HDX: variants seen among roughly 807,000 people sequenced by gnomAD.
HDX encodes the protein chromosome X open reading frame 43.
A neutral mutation model predicts 45.2 loss-of-function variants in HDX; 19 were observed. The observed-to-expected ratio is 0.42, with a 90% CI of 0.29 to 0.62. HDX has a LOEUF of 0.62. Ranked by LOEUF, HDX falls within the 20% of genes least tolerant of loss-of-function variation. The pLI, the probability that HDX is intolerant of heterozygous loss-of-function variation, is 0.20. For missense variants in HDX, 532 were observed against 493.9 expected (o/e 1.08, Z -0.73); for synonymous variants, 188 against 172.8 (o/e 1.09, Z -0.69).
At chrX:84,333,259 A>G (rs926856495) in intron 9 of HDX, among the ~76,000 whole-genome samples, 12 of 111,596 alleles carry the variant, frequency 1.1e-4, no homozygotes, top group Non-Finnish European at 2.3e-4. Context: ...TCAATTTAGT[A>G]ATAAATGACA....
At chrX:84,349,200 C>T (rs1296785011) in intron 6 of HDX, among the ~76,000 whole-genome samples, 4 of 110,691 alleles carry the variant, frequency 3.6e-5, no homozygotes, top group Non-Finnish European at 5.7e-5. Context: ...GCCTATTTGT[C>T]TCACCAATTT....
intron 5 of HDX, among the ~76,000 whole-genome samples, chrX:84,377,183 C>T (rs906237612): frequency 8.9e-6 from 1 of 112,142 alleles, no homozygotes; most frequent in African/African-American, 3.2e-5. Context: ...AGAATCACAG[C>T]GTTATTGGTC....
chrX:84,326,884 G>A (rs754219827), intron 9 of HDX, among the ~76,000 whole-genome samples: 1 of 103,804 alleles, frequency 9.6e-6, no homozygotes, highest in African/African-American at 3.5e-5. Flanking sequence ...CTGCTGCACT[G>A]CAGCCTGGGC....
chrX:84,403,359 G>A (rs995275412), intron 5 of HDX, among the ~76,000 whole-genome samples: 32 of 110,938 alleles, frequency 2.9e-4, no homozygotes, highest in Non-Finnish European at 5.9e-4. Context: ...ATGGAATTAA[G>A]ACTCCTAAAC....
At chrX:84,381,128 C>T (rs755898643) in intron 5 of HDX, among the ~76,000 whole-genome samples, 67 of 110,317 alleles carry the variant, frequency 6.1e-4, no homozygotes, top group South Asian at 4.9e-3. Context: ...ACAATAAATA[C>T]GTAGGAATTA....
chrX:84,397,177 G>T (rs1211474381), intron 5 of HDX, among the ~76,000 whole-genome samples: 1 of 112,272 alleles, frequency 8.9e-6, no homozygotes, highest in Non-Finnish European at 1.9e-5. Flanking sequence ...CCTGGAGGCA[G>T]TGGAGTCACT....
chrX:84,410,958 G>GTGT (rs139883607), intron 5 of HDX, among the ~76,000 whole-genome samples: 11,738 of 110,902 alleles, frequency 0.11, 603 homozygotes, highest in South Asian at 0.27. Flanking sequence ...ATGCATAGAG[G>GTGT]TGTTCATAAT....
Position 84,469,146 on chromosome X carries a change from C to G in HDX, c.577G>C (p.Ala193Pro). ...LNAGNSVFNH[A>P]KKNYGNSSVQ... ...GAAGAGTTTCCATAGTTTTTCTTTGCGTGATTGAATACTGAGTTTCCAGCA... is the reference window on the plus strand; with the variant it reads ...GAAGAGTTTCCATAGTTTTTCTTTGGGTGATTGAATACTGAGTTTCCAGCA... The change falls in exon 4 of 11, where the codon GCA (alanine) becomes CCA (proline). Residue 193 changes from alanine to proline, a missense_variant. Transcript: ENST00000373177. 1 of 1,209,175 alleles carries G rather than the reference C, an allele frequency of 8.3e-7. No homozygotes were observed. Among genetic ancestry groups the G allele is most frequent in the South Asian group, 1.8e-5 (1 of 56,632 alleles).
At chrX:84,352,689 C>A (rs1233612259) in intron 6 of HDX, among the ~76,000 whole-genome samples, 2 of 111,516 alleles carry the variant, frequency 1.8e-5, no homozygotes, top group African/African-American at 6.5e-5. Flanking sequence ...TTGACTCTAG[C>A]ACCCAATTTC....
At chrX:84,497,728 T>TAC (rs1168259495) in intron 1 of HDX, among the ~76,000 whole-genome samples, 58 of 109,938 alleles carry the variant, frequency 5.3e-4, no homozygotes, top group Middle Eastern at 9.3e-3. Context: ...AATTTACATA[T>TAC]ACGTGTGTGT....
At chrX:84,440,263 A>C (rs2039731976) in intron 5 of HDX, 1 of 237,873 alleles carries the variant, frequency 4.2e-6, no homozygotes, top group Non-Finnish European at 7.4e-6. Flanking sequence ...GATGTAGAAA[A>C]ATCATATTTT....
chrX:84,388,551 T>C lies in HDX; in HGVS notation c.1306-26939A>G, dbSNP rs190027008. 6.3e-3 allele frequency among the ~76,000 whole-genome samples: 712 copies of C among 112,350 alleles called. 6 individuals carry two copies. The highest frequency in any genetic ancestry group is 9.6e-3 in the Non-Finnish European group (510 of 53,280). The stretch of plus-strand genomic sequence containing the variant: ...TGACTGAATTGATTTAAGGAACTTG[T>C]CTTTGAGCTCTGAAATTCTTTCCTC... On this transcript the variant is annotated intron_variant, in intron 5 of 10. Transcript: ENST00000373177.
chrX:84,455,515 A>G (rs1406126321), intron 4 of HDX, among the ~76,000 whole-genome samples: 2 of 111,929 alleles, frequency 1.8e-5, no homozygotes, highest in Admixed American at 1.9e-4. Flanking sequence ...CTATTTGAAA[A>G]TAAACAGCCA....
chrX:84,406,870 G>A (rs1414519856), intron 5 of HDX, among the ~76,000 whole-genome samples: 2 of 109,891 alleles, frequency 1.8e-5, no homozygotes, highest in Non-Finnish European at 3.8e-5. Flanking sequence ...AAAATTAAAT[G>A]TCATTAATTA....
chrX:84,436,500 C>A (rs1602453805), intron 5 of HDX, among the ~76,000 whole-genome samples: 1 of 111,541 alleles, frequency 9.0e-6, no homozygotes, highest in East Asian at 2.9e-4. Context: ...TTTGCTGTGA[C>A]CCATAGGTTT....
intron 4 of HDX, among the ~76,000 whole-genome samples, chrX:84,445,074 A>G (rs1467365940): frequency 8.9e-6 from 1 of 112,126 alleles, no homozygotes; most frequent in Non-Finnish European, 1.9e-5. Flanking sequence ...CAGAGATTAT[A>G]TGTTAAAAAC....
In HDX at chrX:84,453,139, T is replaced by A. The variant is rs7880330; in HGVS notation, c.1252-12554A>T. Reference sequence around the variant, plus strand: ...AACTAAAAGACAATTTCATCAAAAATTGGCTAATTAGAGAAAGGCAGTGCA... The same window carrying A: ...AACTAAAAGACAATTTCATCAAAAAATGGCTAATTAGAGAAAGGCAGTGCA... On this transcript the variant is annotated intron_variant, in intron 4 of 10. Coordinates refer to ENST00000373177, the MANE Select transcript of HDX (RefSeq NM_001177479.2). Among the ~76,000 whole-genome samples, 308 of 111,986 alleles carry A rather than the reference T, an allele frequency of 2.8e-3. 1 individual carries two copies. Among genetic ancestry groups the A allele is most frequent in the African/African-American group, 9.7e-3 (300 of 30,807 alleles).
rs1476615873 is a variant in HDX at position 84,469,444 on chromosome X, G to A, written c.279C>T (p.Ser93=). The A allele has an allele frequency of 1.7e-6, 2 of 1,211,087 alleles. No individual in the cohort carries two copies. Among genetic ancestry groups the A allele is most frequent in the Non-Finnish European group, 2.2e-6 (2 of 895,201 alleles). Reference sequence around the variant, plus strand: ...TGGCAGATGTCCAAGAAGACTGCTGGCTTGAGGGTCGAGCAATATTAACCA... The same window carrying A: ...TGGCAGATGTCCAAGAAGACTGCTGACTTGAGGGTCGAGCAATATTAACCA... ...RNVVNIARPS[S]QQSSWTSANN... Residue 93 remains serine, a synonymous_variant, in exon 4 of 11, where the codon AGC becomes AGT. Transcript: ENST00000373177.
intron 5 of HDX, among the ~76,000 whole-genome samples, chrX:84,406,521 C>CACAT (rs2038832237): frequency 1.4e-4 from 4 of 28,534 alleles, no homozygotes; most frequent in African/African-American, 4.1e-4. Context: ...CACACACATA[C>CACAT]ACACACACAC....
Sources: allele counts gnomAD v4.1 joint callset (sites outside exome capture counted in the v4.1 genomes callset), GRCh38; gene constraint gnomAD v4.1.1; transcripts MANE v1.5; gene names NCBI Gene and HGNC (gene_info 2026-07-23, HGNC 2026-07-21).